Variants in CADM2 observed in about 807,000 individuals in gnomAD.
The protein encoded by CADM2 is immunoglobulin superfamily member 4D.
In CADM2, 12 loss-of-function variants were observed where a neutral mutation model predicts 49.8. That is an observed-to-expected ratio of 0.24 (90% CI 0.15 to 0.39). The LOEUF (loss-of-function observed/expected upper bound fraction) is 0.39. Among genes scored for constraint, CADM2 ranks in the 10% least tolerant of loss-of-function variants. The pLI is 1.00. For synonymous variants in CADM2, 214 were observed against 175.4 expected (o/e 1.22, Z -1.74); for missense variants, 378 against 492.3 (o/e 0.77, Z 2.20).
intron 1 of CADM2, among the ~76,000 whole-genome samples, chr3:85,452,989 A>G (rs1311813449): frequency 6.6e-6 from 1 of 152,198 alleles, no homozygotes; most frequent in Admixed American, 6.5e-5. Flanking sequence ...ATGTGTTAGA[A>G]GAGTCATTTG....
chr3:86,040,661 G>A (rs987121737), intron 8 of CADM2, among the ~76,000 whole-genome samples: 5 of 152,264 alleles, frequency 3.3e-5, no homozygotes, highest in African/African-American at 1.2e-4. Context: ...ACACTCTGCA[G>A]GATATTATCC....
At chr3:85,931,405 T>C (rs1720572920) in intron 6 of CADM2, among the ~76,000 whole-genome samples, 1 of 151,844 alleles carries the variant, frequency 6.6e-6, no homozygotes, top group African/African-American at 2.4e-5. Flanking sequence ...ATCACACCCC[T>C]GCAATCCAGC....
chr3:85,727,034 G>T (rs1691374215), intron 2 of CADM2, among the ~76,000 whole-genome samples: 1 of 151,918 alleles, frequency 6.6e-6, no homozygotes, highest in Admixed American at 6.6e-5. Context: ...GTTTGACTTT[G>T]CTAGAAACCT....
chr3:85,567,017 T>C (rs970176649), intron 1 of CADM2, among the ~76,000 whole-genome samples: 2 of 152,216 alleles, frequency 1.3e-5, no homozygotes, highest in African/African-American at 4.8e-5. Context: ...AAAAAGATTA[T>C]ATGTACACCT....
intron 1 of CADM2, among the ~76,000 whole-genome samples, chr3:85,020,737 A>G (rs1382266822): frequency 7.4e-6 from 1 of 134,794 alleles, no homozygotes; most frequent in African/African-American, 2.9e-5. Context: ...ATGTCTTTGT[A>G]TGTGTACGGT....
At chr3:85,331,188 G>T (rs985439815) in intron 1 of CADM2, among the ~76,000 whole-genome samples, 2 of 151,382 alleles carry the variant, frequency 1.3e-5, no homozygotes, top group Admixed American at 1.3e-4. Context: ...CTTTACCATA[G>T]TTGCCCTACT....
At chr3:85,909,406 A>G (rs919627367) in intron 5 of CADM2, among the ~76,000 whole-genome samples, 1 of 150,340 alleles carries the variant, frequency 6.7e-6, no homozygotes, top group East Asian at 1.9e-4. Flanking sequence ...AATGAAATAT[A>G]TATATATATA....
rs187723400 is a variant in CADM2 at position 85,412,258 on chromosome 3, G to A, written c.62-314264G>A. On this transcript the variant is annotated intron_variant, in intron 1 of 9. Transcript: ENST00000383699. ...ATCTCAATTTACTTACCTCTCAAAT[G>A]GATTACTGTAAAAAGTATAGGAGAT... Among the ~76,000 whole-genome samples the A allele has an allele frequency of 2.8e-4, 43 of 152,156 alleles. 1 individual carries two copies. The East Asian group carries it at 7.9e-3, about 28-fold the overall frequency.
At chr3:85,337,086 G>A (rs1013003428) in intron 1 of CADM2, among the ~76,000 whole-genome samples, 1 of 144,282 alleles carries the variant, frequency 6.9e-6, no homozygotes, top group Non-Finnish European at 1.5e-5. Context: ...CCATTTAAGG[G>A]AAAACAATAT....
intron 1 of CADM2, among the ~76,000 whole-genome samples, chr3:85,718,886 TTA>T (rs1559611996): frequency 7.0e-4 from 28 of 39,832 alleles, no homozygotes; most frequent in East Asian, 1.5e-3. Flanking sequence ...TGGTATTTTA[TTA>T]TTATTATTAT....
intron 1 of CADM2, among the ~76,000 whole-genome samples, chr3:85,597,296 C>A (rs1170272119): frequency 6.6e-6 from 1 of 152,078 alleles, no homozygotes; most frequent in Non-Finnish European, 1.5e-5. Flanking sequence ...ATCTTAAATT[C>A]ATCTAAGTCT....
intron 8 of CADM2, among the ~76,000 whole-genome samples, chr3:85,973,543 A>G (rs544612250): frequency 5.3e-5 from 8 of 151,782 alleles, no homozygotes; most frequent in Non-Finnish European, 1.0e-4. Context: ...AATGAATGTT[A>G]CAGCTTCTCA....
At chr3:85,849,509 G>T (rs2075010138) in intron 3 of CADM2, among the ~76,000 whole-genome samples, 1 of 152,110 alleles carries the variant, frequency 6.6e-6, no homozygotes, top group Non-Finnish European at 1.5e-5. Context: ...TCTAGCTTCA[G>T]AATTTGGCAA....
intron 6 of CADM2, among the ~76,000 whole-genome samples, chr3:85,919,375 A>G: frequency 6.6e-6 from 1 of 151,982 alleles, no homozygotes; most frequent in Non-Finnish European, 1.5e-5. Flanking sequence ...CAAGGAAAGG[A>G]AGGAATGAAT....
At chr3:85,797,389 A>T (rs1362692600) in intron 2 of CADM2, among the ~76,000 whole-genome samples, 2 of 152,032 alleles carry the variant, frequency 1.3e-5, no homozygotes, top group African/African-American at 4.8e-5. Context: ...TATTTCTCCA[A>T]ATGCTATCCC....
Position 86,068,454 on chromosome 3 carries a change from C to T in CADM2, c.*1671C>T, listed in dbSNP as rs1484213717. Reference sequence around the variant, plus strand: ...CAAATATGACAGTATGGTAGCTATACTTGTGATGTCTGACGCATGATGGCC... The same window carrying T: ...CAAATATGACAGTATGGTAGCTATATTTGTGATGTCTGACGCATGATGGCC... On this transcript the variant is annotated 3_prime_UTR_variant, in exon 10 of 10. Coordinates refer to ENST00000383699, the MANE Select transcript of CADM2 (RefSeq NM_001167675.2). The T allele has an allele frequency of 6.6e-6, 1 of 151,852 alleles. No individual in the cohort carries two copies. Among genetic ancestry groups the T allele is most frequent in the Non-Finnish European group, 1.5e-5 (1 of 67,840 alleles). 9.4% of individuals were successfully genotyped at this position (151,852 alleles called of 1,614,324 possible). A position where few individuals can be genotyped will look rare whatever the true frequency, so the allele number is the denominator to read the frequency against.
At chr3:86,034,032 A>G (rs530516107) in intron 8 of CADM2, among the ~76,000 whole-genome samples, 16 of 151,848 alleles carry the variant, frequency 1.1e-4, no homozygotes, top group South Asian at 6.2e-4. Context: ...TCCTAACCTT[A>G]GAAACATGAT....
At chr3:85,263,193 C>A (rs754759942) in intron 1 of CADM2, among the ~76,000 whole-genome samples, 1 of 151,874 alleles carries the variant, frequency 6.6e-6, no homozygotes, top group Admixed American at 6.6e-5. Flanking sequence ...GGGGTTTCAC[C>A]GTGTTGCCCA....
chr3:85,045,597 T>C (rs1490168765), intron 1 of CADM2, among the ~76,000 whole-genome samples: 1 of 152,080 alleles, frequency 6.6e-6, no homozygotes, highest in East Asian at 1.9e-4. Flanking sequence ...TAAGGCAGTA[T>C]ATGTGTATAT....
Sources: allele counts gnomAD v4.1 joint callset (sites outside exome capture counted in the v4.1 genomes callset), GRCh38; gene constraint gnomAD v4.1.1; transcripts MANE v1.5; gene names NCBI Gene and HGNC (gene_info 2026-07-23, HGNC 2026-07-21).